Variants in SLC9A9 observed in about 807,000 individuals in gnomAD.
SLC9A9 encodes solute carrier family 9 member A9.
In SLC9A9, 62 loss-of-function variants were observed where a neutral mutation model predicts 77.8. The ratio of observed to expected loss-of-function variants is 0.80; its 90% CI spans 0.65 to 0.98. The LOEUF (loss-of-function observed/expected upper bound fraction) is 0.98. Among genes scored for constraint, SLC9A9 ranks in the 50% least tolerant of loss-of-function variants. The pLI is 0.00. For missense variants in SLC9A9, 775 were observed against 774.9 expected, an observed-to-expected ratio of 1.00 and a Z score of 0.00; for synonymous variants, 320 against 283.5, an observed-to-expected ratio of 1.13 and a Z score of -1.29.
intron 5 of SLC9A9, among the ~76,000 whole-genome samples, chr3:143,672,715 C>T (rs1339625764): frequency 6.6e-6 from 1 of 152,036 alleles, no homozygotes; most frequent in Non-Finnish European, 1.5e-5. Flanking sequence ...AGCAAAATGC[C>T]CTGTTTAATT....
rs146931562 is a variant in SLC9A9 at position 143,588,421 on chromosome 3, T to C, written c.756-9698A>G. On this transcript the variant is annotated intron_variant, in intron 6 of 15. Transcript: ENST00000316549. ...ATGATTTAGGTTGGAGCCAGGTTGA[T>C]GATGACATCAAGAACAGTTACAAAT... Among the ~76,000 whole-genome samples, 454 of 152,310 alleles carry C rather than the reference T, an allele frequency of 3.0e-3. 2 individuals carry two copies. The highest frequency in any genetic ancestry group is 9.0e-3 in the African/African-American group (376 of 41,576).
chr3:143,672,514 G>A (rs2039173940), intron 5 of SLC9A9, among the ~76,000 whole-genome samples: 1 of 152,146 alleles, frequency 6.6e-6, no homozygotes, highest in Non-Finnish European at 1.5e-5. Context: ...TCCGGTGTTA[G>A]AAAAATTAAA....
intron 6 of SLC9A9, among the ~76,000 whole-genome samples, chr3:143,622,093 C>T (rs1170340516): frequency 6.6e-6 from 1 of 152,144 alleles, no homozygotes; most frequent in Non-Finnish European, 1.5e-5. Flanking sequence ...TGAACAAAGC[C>T]TCCAAGAAAT....
chr3:143,816,869 A>G (rs911675230), intron 2 of SLC9A9, among the ~76,000 whole-genome samples: 1 of 152,212 alleles, frequency 6.6e-6, no homozygotes, highest in African/African-American at 2.4e-5. Context: ...ATATCACATG[A>G]TCATTATCTT....
chr3:143,432,386 G>GGC (rs775155598), intron 12 of SLC9A9, among the ~76,000 whole-genome samples: 58 of 152,212 alleles, frequency 3.8e-4, no homozygotes, highest in Middle Eastern at 3.4e-3. Flanking sequence ...AACTAGACTA[G>GGC]GCTCATTAAT....
chr3:143,414,709 C>T (rs1320927811), intron 12 of SLC9A9, among the ~76,000 whole-genome samples: 1 of 152,148 alleles, frequency 6.6e-6, no homozygotes, highest in East Asian at 1.9e-4. Context: ...TCTCCTCAGG[C>T]CAGCCTATTC....
chr3:143,396,353 A>AG (rs1163930277), intron 12 of SLC9A9, among the ~76,000 whole-genome samples: 6 of 151,906 alleles, frequency 3.9e-5, no homozygotes, highest in Non-Finnish European at 8.8e-5. Context: ...AGGATAAAAA[A>AG]CCAAACACCG....
chr3:143,728,179 C>T (rs1306977351), intron 4 of SLC9A9, among the ~76,000 whole-genome samples: 2 of 152,138 alleles, frequency 1.3e-5, no homozygotes, highest in African/African-American at 4.8e-5. Flanking sequence ...AGAAAAGGTG[C>T]TGCCCTTTTT....
chr3:143,733,977 G>A (rs1469338909), intron 4 of SLC9A9, among the ~76,000 whole-genome samples: 1 of 152,126 alleles, frequency 6.6e-6, no homozygotes, highest in African/African-American at 2.4e-5. Flanking sequence ...TAGGAGGATT[G>A]CTTGAAGCCA....
chr3:143,654,541 T>C (rs1560014617), intron 5 of SLC9A9, among the ~76,000 whole-genome samples: 2 of 152,252 alleles, frequency 1.3e-5, no homozygotes, highest in South Asian at 2.1e-4. Context: ...TTCTCCTTTT[T>C]GGATAGAGTT....
chr3:143,581,189 A>G (rs1401207429), intron 6 of SLC9A9, among the ~76,000 whole-genome samples: 1 of 152,168 alleles, frequency 6.6e-6, no homozygotes, highest in African/African-American at 2.4e-5. Context: ...ATGGGGAGAG[A>G]GTATTCCAGG....
At chr3:143,765,262 C>T (rs1350604080) in intron 4 of SLC9A9, among the ~76,000 whole-genome samples, 1 of 151,212 alleles carries the variant, frequency 6.6e-6, no homozygotes, top group Admixed American at 6.6e-5. Context: ...TGGTCTTGAA[C>T]TCCTGGGCTC....
At chr3:143,723,241 A>G (rs531125382) in intron 4 of SLC9A9, among the ~76,000 whole-genome samples, 2 of 152,244 alleles carry the variant, frequency 1.3e-5, no homozygotes, top group African/African-American at 4.8e-5. Context: ...AAATCAACAA[A>G]CCAATAAGCA....
intron 12 of SLC9A9, among the ~76,000 whole-genome samples, chr3:143,401,462 C>A (rs746525886): frequency 6.6e-6 from 1 of 152,150 alleles, no homozygotes; most frequent in South Asian, 2.1e-4. Flanking sequence ...TCCTACCTGG[C>A]ATCAGACTAG....
chr3:143,708,867 C>T (rs1462389221), intron 4 of SLC9A9, among the ~76,000 whole-genome samples: 1 of 152,120 alleles, frequency 6.6e-6, no homozygotes, highest in Non-Finnish European at 1.5e-5. Context: ...CAAGCATGTG[C>T]AAATAACTGA....
intron 5 of SLC9A9, among the ~76,000 whole-genome samples, chr3:143,662,412 A>G (rs1316697856): frequency 1.3e-5 from 2 of 152,224 alleles, no homozygotes; most frequent in African/African-American, 4.8e-5. Context: ...TGATTTCTGC[A>G]TTTCCAACTG....
chr3:143,511,170 G>T (rs1174542706), intron 9 of SLC9A9, among the ~76,000 whole-genome samples: 1 of 152,104 alleles, frequency 6.6e-6, no homozygotes, highest in Non-Finnish European at 1.5e-5. Context: ...GTGCAGTGGG[G>T]GTGGGCGGAT....
chr3:143,634,549 T>C (rs932308300), intron 6 of SLC9A9, among the ~76,000 whole-genome samples: 2 of 152,284 alleles, frequency 1.3e-5, no homozygotes, highest in Admixed American at 6.5e-5. Context: ...AGCACACTTT[T>C]AATCTCCCTT....
intron 4 of SLC9A9, among the ~76,000 whole-genome samples, chr3:143,720,186 G>A (rs1934460898): frequency 1.3e-5 from 2 of 150,586 alleles, no homozygotes; most frequent in African/African-American, 4.9e-5. Flanking sequence ...TATATGTAGA[G>A]TTATATAAGA....
Sources: gnomAD v4.1 joint callset for allele counts (sites outside exome capture counted in the v4.1 genomes callset) on GRCh38, gnomAD v4.1.1 for gene constraint, MANE v1.5 for transcripts, NCBI Gene and HGNC (gene_info 2026-07-23, HGNC 2026-07-21) for gene names.